Variants in KCNAB2 observed in about 807,000 individuals in gnomAD.
KCNAB2 encodes the protein potassium voltage-gated channel subfamily A regulatory beta subunit 2.
Under a neutral mutation model 63.6 loss-of-function variants are expected in KCNAB2, and 29 were observed. That is an observed-to-expected ratio of 0.46 (90% CI 0.34 to 0.62). The LOEUF (loss-of-function observed/expected upper bound fraction) is 0.62. KCNAB2 is among the 20% of genes least tolerant of loss of function. The pLI is 0.01. For missense variants in KCNAB2, 359 were observed against 563.9 expected (o/e 0.64, Z 3.68); for synonymous variants, 222 against 224.2 (o/e 0.99, Z 0.09).
At chr1:6,005,810 G>A (rs1029839792) in intron 1 of KCNAB2, among the ~76,000 whole-genome samples, 5 of 151,864 alleles carry the variant, frequency 3.3e-5, no homozygotes, top group African/African-American at 9.7e-5. Flanking sequence ...AGTTTCCCCT[G>A]GCAGGGACCA....
Position 6,028,761 on chromosome 1 carries a change from G to A in KCNAB2, c.-52-11756G>A, listed in dbSNP as rs1053546457. 8.5e-5 allele frequency among the ~76,000 whole-genome samples: 13 copies of A among 152,208 alleles called. No individual in the cohort carries two copies. The highest frequency in any genetic ancestry group is 1.6e-4 in the Non-Finnish European group (11 of 68,016). Reference sequence around the variant, plus strand: ...CTCCAGGATGGCCTCCAGGGACCCCGCCTCCTGGTGGCCACTGTCCCCATC... The same window carrying A: ...CTCCAGGATGGCCTCCAGGGACCCCACCTCCTGGTGGCCACTGTCCCCATC... On this transcript the variant is annotated intron_variant, in intron 1 of 16. Transcript: ENST00000341524. This position sits in a 1 kb window ranked among gnomAD's most constrained non-coding sequence, Gnocchi z 4.0.
At position 6,073,752 on chromosome 1, in the gene KCNAB2, A is replaced by G; in HGVS notation, c.282A>G (p.Gly94=). Reference sequence around the variant, plus strand: ...TTCCAGGAACATGGGTGACCTTCGGAGGCCAGATCACCGATGAGGTAAGAT... The same window carrying G: ...TTCCAGGAACATGGGTGACCTTCGGGGGCCAGATCACCGATGAGGTAAGAT... ...CLGLGTWVTF[G]GQITDEMAEQ... Residue 94 remains glycine (G), a synonymous_variant, in exon 4 of 16, where the codon GGA becomes GGG. Coordinates refer to ENST00000378083, the MANE Select transcript of KCNAB2 (RefSeq NM_001199862.2). This position sits in a 1 kb window ranked among gnomAD's most constrained non-coding sequence, Gnocchi z 5.7. 1 of 1,614,120 alleles carries G rather than the reference A, an allele frequency of 6.2e-7. No homozygotes were observed. Among genetic ancestry groups the G allele is most frequent in the Non-Finnish European group, 8.5e-7 (1 of 1,179,990 alleles).
At chr1:6,033,526 AAG>A (rs1247332536), upstream of KCNAB2, among the ~76,000 whole-genome samples, 1 of 152,132 alleles carries the variant, frequency 6.6e-6, no homozygotes, top group Non-Finnish European at 1.5e-5. Context: ...GAGAGAGGAA[AAG>A]GGGAAGAGAG....
chr1:6,048,142 C>T (rs562806927), intron 1 of KCNAB2, among the ~76,000 whole-genome samples: 1 of 152,240 alleles, frequency 6.6e-6, no homozygotes, highest in Non-Finnish European at 1.5e-5. Flanking sequence ...GGCGATTATT[C>T]ACATCTGTGT....
chr1:6,101,029 GTCT>G lies in KCNAB2; in HGVS notation c.*2457_*2459del, dbSNP rs1403030722. ...AATAATGTGCTTTTTCTCTCCCCGA[GTCT>G]TTTTTTTTAAACCTACCGTGGTTCC... On this transcript the variant is annotated 3_prime_UTR_variant, in exon 16 of 16. Transcript: ENST00000378083. The G allele has an allele frequency of 1.5e-5, 1 of 64,562 alleles. No homozygotes were observed. Among genetic ancestry groups the G allele is most frequent in the African/African-American group, 5.5e-5 (1 of 18,110 alleles). The allele number at this position is 64,562 out of a possible 1,614,324, so 4.0% of individuals were successfully genotyped here. A position where few individuals can be genotyped will look rare whatever the true frequency, so the allele number is the denominator to read the frequency against.
intron 1 of KCNAB2, among the ~76,000 whole-genome samples, chr1:6,009,723 G>C (rs1267127436): frequency 6.6e-6 from 1 of 152,200 alleles, no homozygotes; most frequent in African/African-American, 2.4e-5. Context: ...GTGGGGCCCT[G>C]TGAGGCCCTG....
chr1:6,085,813 G>A (rs889839361), intron 6 of KCNAB2: 87 of 987,710 alleles, frequency 8.8e-5, no homozygotes, highest in South Asian at 4.6e-4. Context: ...GGACCGTTCC[G>A]GCAGGGCTAT....
intron 8 of KCNAB2, among the ~76,000 whole-genome samples, 179 bp downstream of exon 8, chr1:6,089,230 C>A (rs1159927415): frequency 6.6e-6 from 1 of 152,254 alleles, no homozygotes; most frequent in African/African-American, 2.4e-5. Flanking sequence ...CGGGACGCTG[C>A]AGAGAACGAG....
chr1:6,017,406 CTG>C (rs56202547), intron 1 of KCNAB2, among the ~76,000 whole-genome samples: 58,165 of 147,010 alleles, frequency 0.4, 11,414 homozygotes, highest in East Asian at 0.56. Flanking sequence ...CCATACCTGG[CTG>C]TGTGTGTGTG....
intron 1 of KCNAB2, among the ~76,000 whole-genome samples, chr1:6,011,229 T>A (rs1225102750): frequency 6.6e-6 from 1 of 152,152 alleles, no homozygotes; most frequent in Non-Finnish European, 1.5e-5. Flanking sequence ...GGCAGGCAGC[T>A]GTGCCCAGGG....
At chr1:6,072,870 A>C in intron 3 of KCNAB2, 72 bp downstream of exon 3, 11 of 1,489,440 alleles carry the variant, frequency 7.4e-6, no homozygotes, top group Non-Finnish European at 1.0e-5. Context: ...ACTGAACTGG[A>C]CACCCCTTGG....
intron 4 of KCNAB2, among the ~76,000 whole-genome samples, chr1:6,081,310 C>G (rs955705788): frequency 6.6e-6 from 1 of 152,252 alleles, no homozygotes; most frequent in Non-Finnish European, 1.5e-5. Flanking sequence ...ACCCACCATG[C>G]ACCAGCTGTG....
intron 1 of KCNAB2, among the ~76,000 whole-genome samples, chr1:6,050,089 C>G (rs1661259546): frequency 6.6e-6 from 1 of 152,228 alleles, no homozygotes. Context: ...ACATCTCAAC[C>G]CCCTTCAAGG....
chr1:6,096,639 T>C lies in KCNAB2; in HGVS notation c.952T>C (p.Tyr318His), dbSNP rs140523958. 6.2e-6 allele frequency: 10 copies of C among 1,610,578 alleles called. No homozygotes were observed. Among genetic ancestry groups the C allele is most frequent in the Non-Finnish European group, 8.5e-6 (10 of 1,179,094 alleles). Residue 318 changes from tyrosine (Y) to histidine (H), a missense_variant, in exon 14 of 16, where the codon TAC becomes CAC. By Grantham distance (83) the Tyr-to-His change is moderately conservative (BLOSUM62 2). This residue lies in a region of KCNAB2 where 271 missense variants were observed against 476.1 expected (regional missense o/e 0.57). Coordinates refer to ENST00000378083, the MANE Select transcript of KCNAB2 (RefSeq NM_001199862.2). This position sits in a 1 kb window ranked among gnomAD's most constrained non-coding sequence, Gnocchi z 5.9. ...PPYSRASLKGYQWLKDKILSE... is the reference protein window; with the variant it reads ...PPYSRASLKGHQWLKDKILSE... Reference sequence around the variant, plus strand: ...TGCTCCCCTCCCCCGCAACCAGGGCTACCAGTGGCTGAAGGACAAGATCCT... The same window carrying C: ...TGCTCCCCTCCCCCGCAACCAGGGCCACCAGTGGCTGAAGGACAAGATCCT...
intron 1 of KCNAB2, chr1:6,027,353 C>T (rs1659270863): frequency 6.6e-6 from 1 of 152,516 alleles, no homozygotes; most frequent in African/African-American, 2.4e-5. Context: ...GCTGCCTCTG[C>T]AGGGGACAGG....
In KCNAB2 at chr1:6,090,492, G is replaced by A. The variant is rs374301634; in HGVS notation, c.601+17G>A. 3.7e-5 allele frequency: 59 copies of A among 1,601,426 alleles called. No homozygotes were observed. Among genetic ancestry groups the A allele is most frequent in the African/African-American group, 2.4e-4 (18 of 74,666 alleles). ...CGATGGAAGGTAGGTGGTCTGCGGC[G>A]GCGCCACCGGTTAGGCCTGGGCGGG... is the stretch of plus-strand genomic sequence containing the variant. On this transcript the variant is annotated intron_variant, in intron 9 of 15. Transcript: ENST00000378083.
intron 1 of KCNAB2, among the ~76,000 whole-genome samples, chr1:6,015,450 T>G (rs571397598): frequency 6.6e-6 from 1 of 152,356 alleles, no homozygotes; most frequent in African/African-American, 2.4e-5. Context: ...TTCATTTACA[T>G]ATTTGCTGCT....
intron 1 of KCNAB2, among the ~76,000 whole-genome samples, chr1:6,023,341 G>C (rs557499270): frequency 5.3e-5 from 8 of 152,208 alleles, no homozygotes; most frequent in Admixed American, 5.2e-4. Flanking sequence ...AGATCATATA[G>C]TAATTCGACT....
At position 6,024,709 on chromosome 1, in the gene KCNAB2, G is replaced by C. The variant is rs1659035361; in HGVS notation, c.-52-15808G>C. Among the ~76,000 whole-genome samples the C allele has an allele frequency of 6.6e-6, 1 of 152,150 alleles. No individual in the cohort carries two copies. Among genetic ancestry groups the C allele is most frequent in the Admixed American group, 6.5e-5 (1 of 15,270 alleles). On this transcript the variant is annotated intron_variant, in intron 1 of 16. Coordinates refer to the KCNAB2 transcript ENST00000341524. The surrounding 1 kb of genome is among the most constrained non-coding windows in gnomAD (Gnocchi z 5.4). ...GAGTCAGGGCAACATCTCCGTGCTG[G>C]GGGCCAAGAGGATAACGGCTGTTCT...
Sources: allele counts gnomAD v4.1 joint callset (sites outside exome capture counted in the v4.1 genomes callset), GRCh38; gene constraint gnomAD v4.1.1; regional missense constraint gnomAD v4.1.1; non-coding constraint Gnocchi (gnomAD v3.1); transcripts MANE v1.5; gene names NCBI Gene and HGNC (gene_info 2026-07-23, HGNC 2026-07-21).